Variants in HPN observed in about 807,000 individuals in gnomAD.
HPN encodes the protein serine protease hepsin.
HPN carries 13 observed loss-of-function variants against 55.9 expected under a neutral mutation model. The observed-to-expected ratio is 0.23, with a 90% CI of 0.15 to 0.37. HPN has a LOEUF of 0.37. Among genes scored for constraint, HPN ranks in the 10% least tolerant of loss-of-function variants. HPN has a pLI of 1.00. For synonymous variants in HPN, 225 were observed against 240.3 expected (o/e 0.94, Z 0.59); for missense variants, 451 against 575.8 (o/e 0.78, Z 2.22).
chr19:35,051,699 AG>A (rs1392197432), intron 4 of HPN, among the ~76,000 whole-genome samples: 35 of 147,970 alleles, frequency 2.4e-4, no homozygotes, highest in African/African-American at 8.3e-4. Context: ...AAAAAAAAAA[AG>A]AACAGCTGAA....
intron 1 of HPN, 116 bp downstream of exon 1, chr19:35,041,988 G>T: frequency 8.4e-7 from 1 of 1,186,930 alleles, no homozygotes; most frequent in Non-Finnish European, 1.1e-6. Flanking sequence ...GACCTGAAGA[G>T]GGGGCACTAT....
chr19:35,050,344 T>C lies in HPN; in HGVS notation c.160+828T>C, dbSNP rs10406943. 162 of 454,064 alleles carry C rather than the reference T, an allele frequency of 3.6e-4. 2 individuals carry two copies. Among genetic ancestry groups the C allele is most frequent in the South Asian group, 2.4e-3 (148 of 62,814 alleles). The allele number at this position is 454,064 out of a possible 1,614,324, so 28.1% of individuals were successfully genotyped here. A position where few individuals can be genotyped will look rare whatever the true frequency, so the allele number is the denominator to read the frequency against. Reference sequence around the variant, plus strand: ...TCACCATGTTGGCCAGGACGGTCTCTATCTCCTGACCTTGTGATCCACCCG... The same window carrying C: ...TCACCATGTTGGCCAGGACGGTCTCCATCTCCTGACCTTGTGATCCACCCG... On this transcript the variant is annotated intron_variant, in intron 4 of 12. Transcript: ENST00000672452.
At chr19:35,052,788 C>T (rs1441816051) in intron 4 of HPN, among the ~76,000 whole-genome samples, 4 of 152,102 alleles carry the variant, frequency 2.6e-5, no homozygotes, top group South Asian at 2.1e-4. Flanking sequence ...TCAGACGGTG[C>T]CTGGCACATA....
At chr19:35,048,842 G>T (rs1191485722) in intron 2 of HPN, among the ~76,000 whole-genome samples, 1 of 152,152 alleles carries the variant, frequency 6.6e-6, no homozygotes, top group Non-Finnish European at 1.5e-5. Flanking sequence ...GTATCTAGGG[G>T]CAAAGCATCT....
intron 9 of HPN, among the ~76,000 whole-genome samples, chr19:35,064,651 CAT>C (rs1425661300): frequency 1.3e-5 from 2 of 152,046 alleles, no homozygotes; most frequent in Admixed American, 6.5e-5. Flanking sequence ...TTAAAACATA[CAT>C]GTTATGAAAC....
chr19:35,044,215 G>C (rs562010099), intron 2 of HPN, among the ~76,000 whole-genome samples: 54 of 152,214 alleles, frequency 3.5e-4, no homozygotes, highest in Non-Finnish European at 6.0e-4. Context: ...AGCCGTTGTG[G>C]CTGCAGCGGC....
At chr19:35,045,689 C>T (rs1168903662) in intron 2 of HPN, among the ~76,000 whole-genome samples, 1 of 151,142 alleles carries the variant, frequency 6.6e-6, no homozygotes, top group Non-Finnish European at 1.5e-5. Context: ...GATGAGGATG[C>T]GTCCCACACC....
intron 6 of HPN, 37 bp from the exon 7 acceptor site, chr19:35,060,092 T>C: frequency 1.2e-6 from 2 of 1,614,116 alleles, no homozygotes; most frequent in Non-Finnish European, 1.7e-6. Flanking sequence ...GGTCTCTATT[T>C]CCTTTCTTTC....
rs2064604891 is a variant in HPN, at chr19:35,066,038, A to G, written c.1215+6A>G. 1 of 1,609,940 alleles carries G rather than the reference A, an allele frequency of 6.2e-7. No individual in the cohort carries two copies. Among genetic ancestry groups the G allele is most frequent in the Non-Finnish European group, 8.5e-7 (1 of 1,180,018 alleles). On this transcript the variant is annotated splice_donor_region_variant and intron_variant, in intron 12 of 12. Transcript: ENST00000672452. Reference sequence around the variant, plus strand: ...GGATCTTCCAGGCCATAAAGGTGAAAGTTGGGTCCAGATGGGAGCCAGGGT... The same window carrying G: ...GGATCTTCCAGGCCATAAAGGTGAAGGTTGGGTCCAGATGGGAGCCAGGGT...
chr19:35,050,467 G>T, intron 4 of HPN: 1 of 1,282,864 alleles, frequency 7.8e-7, no homozygotes, highest in Non-Finnish European at 1.0e-6. Context: ...GAGGACCAGA[G>T]AGGACATGCA....
intron 2 of HPN, among the ~76,000 whole-genome samples, chr19:35,045,449 G>A (rs1265061384): frequency 6.6e-6 from 1 of 152,122 alleles, no homozygotes; most frequent in Non-Finnish European, 1.5e-5. Flanking sequence ...CAGAGCCAGA[G>A]AGCCAAAGGT....
intron 4 of HPN, among the ~76,000 whole-genome samples, chr19:35,058,203 G>A (rs186632901): frequency 6.6e-6 from 1 of 150,986 alleles, no homozygotes; most frequent in Non-Finnish European, 1.5e-5. Flanking sequence ...TTTTTGAGAT[G>A]GAGTCTCACT....
chr19:35,065,615 T>G lies in HPN; in HGVS notation c.984T>G (p.Tyr328Ter). The G allele has an allele frequency of 6.2e-7, 1 of 1,614,190 alleles. No homozygotes were observed. Among genetic ancestry groups the G allele is most frequent in the Non-Finnish European group, 8.5e-7 (1 of 1,180,020 alleles). The change falls in exon 11 of 13, where the codon TAT (tyrosine) becomes TAG (stop). Residue 328 changes from tyrosine to a stop codon, truncating the protein, a stop_gained. Transcript: ENST00000672452. LOFTEE classifies it high-confidence loss of function. ...SNDVCNGADF[Y>*]GNQIKPKMFC... ...ATGTCTGCAATGGCGCTGACTTCTA[T>G]GGAAACCAGATCAAGCCCAAGATGT...
chr19:35,049,576 G>T, intron 4 of HPN, 60 bp downstream of exon 4: 1 of 1,464,274 alleles, frequency 6.8e-7, no homozygotes, highest in Non-Finnish European at 9.4e-7. Context: ...TATCTGGCGG[G>T]AGCTCAACAA....
At chr19:35,062,462 C>T (rs1350828306) in intron 9 of HPN, among the ~76,000 whole-genome samples, 36 of 152,154 alleles carry the variant, frequency 2.4e-4, no homozygotes, top group Non-Finnish European at 3.7e-4. Flanking sequence ...AGGAGTCATT[C>T]CCTCTGCAAT....
At chr19:35,052,929 C>A (rs1431134429) in intron 4 of HPN, among the ~76,000 whole-genome samples, 2 of 152,140 alleles carry the variant, frequency 1.3e-5, no homozygotes, top group African/African-American at 2.4e-5. Context: ...GCCAGCACCA[C>A]GCCGCCACCC....
chr19:35,059,159 G>A (rs534080790), intron 4 of HPN: 204 of 252,842 alleles, frequency 8.1e-4, no homozygotes, highest in Non-Finnish European at 1.4e-3. Flanking sequence ...TCCGACCTGA[G>A]TCCTTGAGTC....
chr19:35,041,688 T>TCCCCCCCCCCCCC, upstream of HPN: 2 of 638,114 alleles, frequency 3.1e-6, no homozygotes, highest in Non-Finnish European at 4.1e-6. Context: ...CCCCGCCCCT[T>TCCCCCCCCCCCCC]CACCCGCCCC....
intron 4 of HPN, among the ~76,000 whole-genome samples, chr19:35,049,861 GT>G (rs67924531): frequency 0.51 from 63,330 of 124,180 alleles, 14,910 homozygotes; most frequent in East Asian, 0.69. Context: ...ATTTTTGTTT[GT>G]TTTTTTTTTT....
Sources: gnomAD v4.1 joint callset for allele counts (sites outside exome capture counted in the v4.1 genomes callset) on GRCh38, gnomAD v4.1.1 for gene constraint, MANE v1.5 for transcripts, NCBI Gene and HGNC (gene_info 2026-07-23, HGNC 2026-07-21) for gene names.